Variants in OXR1 observed in about 807,000 individuals in gnomAD.
OXR1 encodes the protein oxidation resistance 1.
Under a neutral mutation model 104.6 loss-of-function variants are expected in OXR1, and 41 were observed. That is an observed-to-expected ratio of 0.39 (90% CI 0.31 to 0.51). The LOEUF (loss-of-function observed/expected upper bound fraction) is 0.51, where lower values mean the gene tolerates loss of function less well. Among genes scored for constraint, OXR1 ranks in the 20% least tolerant of loss-of-function variants. The pLI, the probability that OXR1 is intolerant of heterozygous loss-of-function variation, is 0.77. For synonymous variants in OXR1, 348 were observed against 348.4 expected, an observed-to-expected ratio of 1.00 and a Z score of 0.01; for missense variants, 955 against 1,031.9, an observed-to-expected ratio of 0.93 and a Z score of 1.02.
intron 2 of OXR1, among the ~76,000 whole-genome samples, chr8:106,386,420 C>T (rs970348310): frequency 6.6e-6 from 1 of 152,156 alleles, no homozygotes; most frequent in African/African-American, 2.4e-5. Context: ...GAAATTATCT[C>T]CTCCCTCCTG....
At chr8:106,652,508 A>T (rs1824674014) in intron 3 of OXR1, among the ~76,000 whole-genome samples, 1 of 152,102 alleles carries the variant, frequency 6.6e-6, no homozygotes, top group South Asian at 2.1e-4. Context: ...ATTAAACAAC[A>T]TACTCCTAAA....
intron 2 of OXR1, among the ~76,000 whole-genome samples, chr8:106,412,227 C>T (rs1818484175): frequency 6.6e-6 from 1 of 152,032 alleles, no homozygotes. Context: ...CTATATCTGG[C>T]TGCCCCAGGC....
At chr8:106,584,334 G>C (rs1396696341) in intron 3 of OXR1, among the ~76,000 whole-genome samples, 2 of 151,752 alleles carry the variant, frequency 1.3e-5, no homozygotes, top group Non-Finnish European at 2.9e-5. Context: ...TCGGGGGAGG[G>C]GGGAGAAAAG....
intron 3 of OXR1, among the ~76,000 whole-genome samples, chr8:106,565,824 A>G (rs993058972): frequency 2.7e-5 from 4 of 149,946 alleles, no homozygotes; most frequent in African/African-American, 7.3e-5. Context: ...AAATAACACA[A>G]CTACAACCAT....
chr8:106,491,700 C>T (rs1811098511), intron 2 of OXR1, among the ~76,000 whole-genome samples: 1 of 152,132 alleles, frequency 6.6e-6, no homozygotes, highest in African/African-American at 2.4e-5. Flanking sequence ...GAAGAACCAC[C>T]TCCAGGGGCA....
chr8:106,338,564 GAAA>G (rs34887481), intron 1 of OXR1, among the ~76,000 whole-genome samples: 1 of 85,010 alleles, frequency 1.2e-5, no homozygotes, highest in Non-Finnish European at 2.5e-5. Flanking sequence ...CTCTGTCTCA[GAAA>G]AAAAAAAAAA....
intron 1 of OXR1, chr8:106,272,990 C>T (rs914805987): frequency 1.3e-5 from 2 of 151,902 alleles, no homozygotes; most frequent in African/African-American, 2.4e-5. Flanking sequence ...AGATTAGGTC[C>T]GGGTAGATCT....
intron 2 of OXR1, among the ~76,000 whole-genome samples, chr8:106,428,732 T>C (rs2130556597): frequency 6.6e-6 from 1 of 152,214 alleles, no homozygotes; most frequent in Non-Finnish European, 1.5e-5. Context: ...ATGATGAGTA[T>C]TGCATTTGAG....
chr8:106,576,964 CT>C (rs2130600281), intron 3 of OXR1, among the ~76,000 whole-genome samples: 1 of 152,158 alleles, frequency 6.6e-6, no homozygotes, highest in East Asian at 1.9e-4. Flanking sequence ...TTAATTCGAA[CT>C]TTTTTGTTTC....
At chr8:106,601,969 T>C (rs1028588950) in intron 3 of OXR1, among the ~76,000 whole-genome samples, 1 of 152,052 alleles carries the variant, frequency 6.6e-6, no homozygotes, top group Admixed American at 6.6e-5. Flanking sequence ...TTAAAGAAAA[T>C]TGCTGTGTAG....
rs1311957308 is a variant in OXR1, at chr8:106,653,990, C to T, written c.221-25220C>T. Among the ~76,000 whole-genome samples the T allele has an allele frequency of 2.0e-5, 3 of 151,846 alleles. No homozygotes were observed. In the East Asian group the frequency reaches 5.8e-4, roughly 29 times the overall value. On this transcript the variant is annotated intron_variant, in intron 3 of 16. Coordinates refer to ENST00000517566, the MANE Select transcript of OXR1 (RefSeq NM_001198533.2). ...TTCACAATATCAACAAAAAATAAAA[C>T]ACTTATTAATGTATGTCACAAAAAA...
intron 1 of OXR1, among the ~76,000 whole-genome samples, chr8:106,284,450 C>A (rs978285580): frequency 8.6e-5 from 13 of 152,044 alleles, no homozygotes; most frequent in African/African-American, 3.1e-4. Context: ...GGATTTTGGT[C>A]TTTGAAGCAG....
intron 2 of OXR1, among the ~76,000 whole-genome samples, chr8:106,424,617 A>G (rs768416250): frequency 9.2e-5 from 14 of 152,052 alleles, no homozygotes; most frequent in Non-Finnish European, 1.3e-4. Context: ...CAACATCTAA[A>G]ATTATTTCCT....
intron 1 of OXR1, among the ~76,000 whole-genome samples, chr8:106,312,130 T>G (rs1416901725): frequency 1.3e-5 from 2 of 152,174 alleles, no homozygotes; most frequent in Non-Finnish European, 2.9e-5. Flanking sequence ...TTATATGATT[T>G]CAGTGAAATA....
intron 2 of OXR1, among the ~76,000 whole-genome samples, chr8:106,482,781 A>C (rs546934449): frequency 6.6e-6 from 1 of 152,116 alleles, no homozygotes; most frequent in East Asian, 1.9e-4. Context: ...TTAAGTATGG[A>C]CCATCTGTTC....
chr8:106,623,672 G>A (rs1351564068), intron 3 of OXR1, among the ~76,000 whole-genome samples: 1 of 152,188 alleles, frequency 6.6e-6, no homozygotes, highest in Non-Finnish European at 1.5e-5. Flanking sequence ...AACAGTTTCT[G>A]AAAGAGGAGG....
chr8:106,589,305 G>A (rs989952406), intron 3 of OXR1, among the ~76,000 whole-genome samples: 2 of 151,420 alleles, frequency 1.3e-5, no homozygotes, highest in Non-Finnish European at 2.9e-5. Flanking sequence ...GTTGTCTCTA[G>A]GCAGCTTGGT....
At chr8:106,359,727 G>C (rs1306333637) in intron 2 of OXR1, 91 bp downstream of exon 2, 2 of 932,800 alleles carry the variant, frequency 2.1e-6, no homozygotes, top group African/African-American at 3.3e-5. Flanking sequence ...AACTTGGGCA[G>C]AGAGAAAACT....
chr8:106,480,925 A>G (rs1462144377), intron 2 of OXR1, among the ~76,000 whole-genome samples: 1 of 152,092 alleles, frequency 6.6e-6, no homozygotes, highest in Non-Finnish European at 1.5e-5. Flanking sequence ...TTAAGGTGAC[A>G]GTTATCATAT....
Sources: allele counts gnomAD v4.1 joint callset (sites outside exome capture counted in the v4.1 genomes callset), GRCh38; gene constraint gnomAD v4.1.1; transcripts MANE v1.5; gene names NCBI Gene and HGNC (gene_info 2026-07-23, HGNC 2026-07-21).